OPCML: variants seen among roughly 807,000 people sequenced by gnomAD.
OPCML encodes opioid-binding protein/cell adhesion molecule.
OPCML carries 13 observed loss-of-function variants against 37.8 expected under a neutral mutation model. The ratio of observed to expected loss-of-function variants is 0.34; its 90% CI spans 0.22 to 0.55. The LOEUF (loss-of-function observed/expected upper bound fraction) is 0.55. Among genes scored for constraint, OPCML ranks in the 20% least tolerant of loss-of-function variants. The pLI, the probability that OPCML is intolerant of heterozygous loss-of-function variation, is 0.91. For synonymous variants in OPCML, 176 were observed against 168.8 expected (o/e 1.04, Z -0.33); for missense variants, 341 against 435.6 (o/e 0.78, Z 1.93).
At chr11:133,138,100 C>T (rs969122711) in intron 1 of OPCML, among the ~76,000 whole-genome samples, 5 of 152,252 alleles carry the variant, frequency 3.3e-5, no homozygotes, top group African/African-American at 1.2e-4. Context: ...TAGATTAATG[C>T]TTTCTTGAAA....
Position 132,417,215 on chromosome 11 carries a change from G to T in OPCML, c.*2978C>A, listed in dbSNP as rs907039810. On this transcript the variant is annotated 3_prime_UTR_variant, in exon 8 of 8. Transcript: ENST00000524381. ...GTGAAGTTGGAAAAGTGTGGATATTGTCTTGTGTAAGCATTTGTTGTTCTA... is the reference window on the plus strand; with the variant it reads ...GTGAAGTTGGAAAAGTGTGGATATTTTCTTGTGTAAGCATTTGTTGTTCTA... 1.3e-5 allele frequency: 2 copies of T among 152,318 alleles called. No homozygotes were observed. Among genetic ancestry groups the T allele is most frequent in the Admixed American group, 6.5e-5 (1 of 15,304 alleles). The allele number at this position is 152,318 out of a possible 1,614,324, so 9.4% of individuals were successfully genotyped here.
intron 2 of OPCML, among the ~76,000 whole-genome samples, chr11:132,737,346 A>G (rs1423763124): frequency 6.6e-6 from 1 of 152,184 alleles, no homozygotes; most frequent in Non-Finnish European, 1.5e-5. Flanking sequence ...TTACAAATAT[A>G]ATAGCAGTTA....
Position 133,368,299 on chromosome 11 carries a change from G to A in OPCML, c.61+163965C>T, listed in dbSNP as rs1944595988. Among the ~76,000 whole-genome samples, 4 of 151,822 alleles carry A rather than the reference G, an allele frequency of 2.6e-5. No individual in the cohort carries two copies. The South Asian group carries it at 8.3e-4, about 32-fold the overall frequency. ...GAGAAGGGAGAGGGAGAGGAGGGAA[G>A]GCAGATGAAGAGAAAGAGGTGAGGG... On this transcript the variant is annotated intron_variant, in intron 1 of 7. Coordinates refer to ENST00000524381, the MANE Select transcript of OPCML (RefSeq NM_001012393.5).
At chr11:133,094,455 C>A (rs1948966367) in intron 1 of OPCML, among the ~76,000 whole-genome samples, 1 of 152,152 alleles carries the variant, frequency 6.6e-6, no homozygotes, top group Non-Finnish European at 1.5e-5. Flanking sequence ...AGTTGCTTTG[C>A]AAATCATTCC....
chr11:133,077,142 AGCTTTGCTTATG>A (rs1160413605), intron 1 of OPCML, among the ~76,000 whole-genome samples: 1 of 151,888 alleles, frequency 6.6e-6, no homozygotes, highest in Non-Finnish European at 1.5e-5. Context: ...TGGACTTCTG[AGCTTTGCTTATG>A]GCTCTGTGAG....
intron 1 of OPCML, among the ~76,000 whole-genome samples, chr11:132,952,301 C>T (rs886206537): frequency 6.6e-6 from 1 of 152,002 alleles, no homozygotes; most frequent in African/African-American, 2.4e-5. Context: ...CTGGGGCTTC[C>T]GTTTTTAGGC....
intron 1 of OPCML, chr11:133,439,251 G>T: frequency 1.0e-6 from 1 of 976,854 alleles, no homozygotes. Flanking sequence ...CAATTGAGTT[G>T]AAGCACTGGA....
intron 1 of OPCML, among the ~76,000 whole-genome samples, chr11:132,977,050 G>A (rs906669147): frequency 2.0e-5 from 3 of 152,172 alleles, no homozygotes; most frequent in African/African-American, 7.2e-5. Context: ...ACGACACTGG[G>A]TTACTTTCTC....
chr11:133,209,420 C>T (rs778655399), intron 1 of OPCML, among the ~76,000 whole-genome samples: 79 of 152,174 alleles, frequency 5.2e-4, no homozygotes, highest in Non-Finnish European at 5.4e-4. Context: ...AAATTAAGTT[C>T]GAAAATAGAA....
At chr11:132,487,560 T>G (rs2096203764) in intron 4 of OPCML, among the ~76,000 whole-genome samples, 1 of 152,230 alleles carries the variant, frequency 6.6e-6, no homozygotes, top group Admixed American at 6.5e-5. Flanking sequence ...CACCTCATTC[T>G]TGCTTTTCTC....
rs148541050 is a variant in OPCML, at chr11:132,686,780, C to T, written c.147-29461G>A. 1.9e-3 allele frequency among the ~76,000 whole-genome samples: 296 copies of T among 152,278 alleles called. 1 individual carries two copies. The highest frequency in any genetic ancestry group is 6.8e-3 in the African/African-American group (281 of 41,544). On this transcript the variant is annotated intron_variant, in intron 2 of 7. Transcript: ENST00000524381. Reference sequence around the variant, plus strand: ...GTTCTATTCTCCCACATTGATGTTTCGAATGCCCTATTCTGGACACATCAC... The same window carrying T: ...GTTCTATTCTCCCACATTGATGTTTTGAATGCCCTATTCTGGACACATCAC...
In OPCML at chr11:132,943,908, C is replaced by A. The variant is rs1264863495; in HGVS notation, c.62-898G>T. On this transcript the variant is annotated intron_variant, in intron 1 of 7. Transcript: ENST00000524381. This position sits in a 1 kb window ranked among gnomAD's most constrained non-coding sequence, Gnocchi z 4.3. ...CGCCGCCTTCCTCCCGGGAGCAGCCCCGACGCGCGCGGGCCCGGACCGCCG... is the reference window on the plus strand; with the variant it reads ...CGCCGCCTTCCTCCCGGGAGCAGCCACGACGCGCGCGGGCCCGGACCGCCG... 2 of 151,702 alleles carry A rather than the reference C, an allele frequency of 1.3e-5. No individual in the cohort carries two copies. Among genetic ancestry groups the A allele is most frequent in the African/African-American group, 4.8e-5 (2 of 41,400 alleles). 9.4% of individuals were successfully genotyped at this position (151,702 alleles called of 1,614,324 possible).
At chr11:132,517,629 T>G (rs1474782596) in intron 4 of OPCML, among the ~76,000 whole-genome samples, 1 of 152,196 alleles carries the variant, frequency 6.6e-6, no homozygotes, top group Non-Finnish European at 1.5e-5. Flanking sequence ...ATTTTATCAG[T>G]GTCTGACTGA....
intron 1 of OPCML, chr11:133,025,439 G>A (rs925134003): frequency 1.0e-6 from 1 of 985,372 alleles, no homozygotes; most frequent in Middle Eastern, 5.2e-4. Context: ...TTGGGTAACT[G>A]TATTGAAGAA....
chr11:132,742,206 G>C (rs1018083176), intron 2 of OPCML, among the ~76,000 whole-genome samples: 1 of 152,154 alleles, frequency 6.6e-6, no homozygotes, highest in African/African-American at 2.4e-5. Flanking sequence ...TCCGACACAA[G>C]AGTGGTCTTA....
At chr11:132,489,902 C>T (rs997761693) in intron 4 of OPCML, among the ~76,000 whole-genome samples, 6 of 152,118 alleles carry the variant, frequency 3.9e-5, no homozygotes, top group African/African-American at 1.2e-4. Context: ...CATGTGTTCT[C>T]ATTGTTCAGC....
At chr11:132,519,288 T>C (rs2096287009) in intron 4 of OPCML, among the ~76,000 whole-genome samples, 1 of 152,232 alleles carries the variant, frequency 6.6e-6, no homozygotes, top group East Asian at 1.9e-4. Context: ...GTGAAGGCAT[T>C]ATGAATCTAC....
intron 1 of OPCML, among the ~76,000 whole-genome samples, chr11:132,948,484 G>T (rs2136691472): frequency 6.6e-6 from 1 of 152,282 alleles, no homozygotes; most frequent in African/African-American, 2.4e-5. Flanking sequence ...GGGCAATATT[G>T]ATTTGGTGTG....
chr11:132,725,088 T>C (rs1199758863), intron 2 of OPCML, among the ~76,000 whole-genome samples: 1 of 152,212 alleles, frequency 6.6e-6, no homozygotes, highest in Non-Finnish European at 1.5e-5. Context: ...CATGAGGCAG[T>C]GCCCCAGTAG....
Sources: allele counts gnomAD v4.1 joint callset (sites outside exome capture counted in the v4.1 genomes callset), GRCh38; gene constraint gnomAD v4.1.1; non-coding constraint Gnocchi (gnomAD v3.1); transcripts MANE v1.5; gene names NCBI Gene and HGNC (gene_info 2026-07-23, HGNC 2026-07-21).